The following ABCC5 variants were observed in gnomAD, a reference collection of about 807,000 sequenced individuals.
ABCC5 encodes the protein ATP binding cassette subfamily C member 5.
Under a neutral mutation model 160.9 loss-of-function variants are expected in ABCC5, and 61 were observed. The observed-to-expected ratio is 0.38, with a 90% CI of 0.31 to 0.47. The LOEUF is 0.47. ABCC5 is among the 20% of genes least tolerant of loss of function. ABCC5 has a pLI of 0.99. For synonymous variants in ABCC5, 666 were observed against 700.6 expected (o/e 0.95, Z 0.78); for missense variants, 1,308 against 1,813.3 (o/e 0.72, Z 5.06).
At chr3:183,972,148 C>A (rs941313452) in intron 10 of ABCC5, 1 of 763,332 alleles carries the variant, frequency 1.3e-6, no homozygotes, top group Non-Finnish European at 2.2e-6. Flanking sequence ...ACCCAATATT[C>A]CACATGACAA....
In ABCC5 at chr3:183,949,755, G is replaced by T. The variant is rs1035697689; in HGVS notation, c.3225C>A (p.His1075Gln). 6.2e-7 allele frequency: 1 copy of T among 1,614,030 alleles called. No homozygotes were observed. The highest frequency in any genetic ancestry group is 8.5e-7 in the Non-Finnish European group (1 of 1,179,946). Reference sequence around the variant, plus strand: ...CTCTAGCCCCCATCAGGACAAACCTGTGCAGAAACTCCTGCCCTTTATTGT... The same window carrying T: ...CTCTAGCCCCCATCAGGACAAACCTTTGCAGAAACTCCTGCCCTTTATTGT... ...HAYNKGQEFL[H>Q]RYQELLDDNQ... is the part of the protein sequence containing the mutation. Residue 1075 changes from histidine to glutamine, a missense_variant and splice_region_variant, in exon 22 of 30, where the codon CAC (histidine) becomes CAA (glutamine). His to Gln is a conservative substitution (Grantham distance 24, BLOSUM62 0). This residue lies in a region of ABCC5 where 1,142 missense variants were observed against 1,527.1 expected (regional missense o/e 0.75). Transcript: ENST00000334444. The surrounding 1 kb of genome is among the most constrained non-coding windows in gnomAD (Gnocchi z 4.2).
Position 183,981,838 on chromosome 3 carries a change from T to C in ABCC5, c.1036A>G (p.Lys346Glu). ...CGTTCATCCGTGGCGGCCACGCATT[T>C]TCTCCTGAAATATGCTGTGAGCCGT... Reference protein sequence around the residue: ...ASRLTAYFRRKCVAATDERVQ... With the variant: ...ASRLTAYFRRECVAATDERVQ... The change falls in exon 8 of 30, where the codon AAA becomes GAA. Residue 346 changes from lysine to glutamate, a missense_variant. Lys to Glu is a moderately conservative substitution (Grantham distance 56). Coordinates refer to ENST00000334444, the MANE Select transcript of ABCC5 (RefSeq NM_005688.4). 1 of 1,611,090 alleles carries C rather than the reference T, an allele frequency of 6.2e-7. No individual in the cohort carries two copies. The highest frequency in any genetic ancestry group is 1.7e-5 in the Admixed American group (1 of 59,188).
chr3:183,945,084 G>A (rs1022143855), intron 24 of ABCC5, among the ~76,000 whole-genome samples: 4 of 152,074 alleles, frequency 2.6e-5, no homozygotes, highest in African/African-American at 7.2e-5. Flanking sequence ...TTCACCTTTC[G>A]CTATGATTGT....
At position 183,951,446 on chromosome 3, in the gene ABCC5, T is replaced by G. The variant is rs758235165; in HGVS notation, c.2939A>C (p.Asp980Ala). Residue 980 changes from aspartate to alanine, a missense_variant, in exon 20 of 30, where the codon GAT (aspartate) becomes GCT (alanine). Physicochemically the swap from Asp to Ala is moderately radical, Grantham distance 126 (BLOSUM62 -2). This residue lies in a region of ABCC5 where 1,142 missense variants were observed against 1,527.1 expected (regional missense o/e 0.75). Coordinates refer to ENST00000334444, the MANE Select transcript of ABCC5 (RefSeq NM_005688.4). The surrounding 1 kb of genome is among the most constrained non-coding windows in gnomAD (Gnocchi z 4.7). Reference protein sequence around the residue: ...RILNRFSKDMDEVDVRLPFQA... With the variant: ...RILNRFSKDMAEVDVRLPFQA... Reference sequence around the variant, plus strand: ...AAAGGCTCAGTGAGAAATACCTTCATCCATGTCTTTGGAAAACCTGTTGAG... The same window carrying G: ...AAAGGCTCAGTGAGAAATACCTTCAGCCATGTCTTTGGAAAACCTGTTGAG... The G allele has an allele frequency of 6.2e-7, 1 of 1,614,168 alleles. No homozygotes were observed. Among genetic ancestry groups the G allele is most frequent in the Non-Finnish European group, 8.5e-7 (1 of 1,180,018 alleles).
chr3:183,985,780 T>C (rs1470313303), intron 5 of ABCC5: 12 of 256,230 alleles, frequency 4.7e-5, no homozygotes, highest in Non-Finnish European at 8.6e-5. Flanking sequence ...CCTGCACATA[T>C]AGCGGCAGTC....
In ABCC5 at chr3:183,967,518, C is replaced by A. The variant is rs1560016748; in HGVS notation, c.1833+177G>T. ...GGCGCCCACCAGGCCTCCTTCCAGGCAGAAGGCTGTGAAGGGGGAGAACTG... is the reference window on the plus strand; with the variant it reads ...GGCGCCCACCAGGCCTCCTTCCAGGAAGAAGGCTGTGAAGGGGGAGAACTG... On this transcript the variant is annotated intron_variant, in intron 12 of 29. Coordinates refer to ENST00000334444, the MANE Select transcript of ABCC5 (RefSeq NM_005688.4). The A allele has an allele frequency of 2.4e-5, 15 of 616,558 alleles. No individual in the cohort carries two copies. The South Asian group carries it at 2.7e-4, about 11-fold the overall frequency. The allele number at this position is 616,558 out of a possible 1,614,324, so 38.2% of individuals were successfully genotyped here.
At chr3:183,976,190 C>G (rs541922063) in intron 10 of ABCC5, among the ~76,000 whole-genome samples, 11 of 152,134 alleles carry the variant, frequency 7.2e-5, no homozygotes, top group African/African-American at 2.6e-4. Flanking sequence ...CCTTCCTTCT[C>G]TCTCTTCCCT....
intron 24 of ABCC5, among the ~76,000 whole-genome samples, chr3:183,943,655 T>TG (rs1244117531): frequency 2.0e-5 from 3 of 152,120 alleles, no homozygotes; most frequent in Non-Finnish European, 4.4e-5. Flanking sequence ...CCAAAGACTG[T>TG]AGCACTCTGG....
intron 27 of ABCC5, 116 bp from the exon 28 acceptor site, chr3:183,927,559 C>T: frequency 6.9e-7 from 1 of 1,456,976 alleles, no homozygotes; most frequent in Non-Finnish European, 9.1e-7. Flanking sequence ...AGCCAAGAAC[C>T]TGTCTCATCT....
rs201172198 is a variant in ABCC5 at position 183,965,464 on chromosome 3, G to A, written c.1871C>T (p.Thr624Ile). ...LLEGSIAISG[T>I]FAYVAQQAWI... ...GGCCTGCTGGGCCACATAAGCGAAGGTTCCACTGATTGCAATGCTGCCCTC... is the reference window on the plus strand; with the variant it reads ...GGCCTGCTGGGCCACATAAGCGAAGATTCCACTGATTGCAATGCTGCCCTC... Residue 624 changes from threonine to isoleucine, a missense_variant, in exon 13 of 30, where the codon ACC becomes ATC. Thr to Ile is a moderately conservative substitution (Grantham distance 89, BLOSUM62 -1). Coordinates refer to ENST00000334444, the MANE Select transcript of ABCC5 (RefSeq NM_005688.4). The A allele has an allele frequency of 6.2e-7, 1 of 1,613,766 alleles. No individual in the cohort carries two copies. Among genetic ancestry groups the A allele is most frequent in the Non-Finnish European group, 8.5e-7 (1 of 1,180,024 alleles).
At chr3:183,940,016 C>T (rs1714140392) in intron 25 of ABCC5, among the ~76,000 whole-genome samples, 1 of 152,096 alleles carries the variant, frequency 6.6e-6, no homozygotes, top group African/African-American at 2.4e-5. Flanking sequence ...CCTGGGCATA[C>T]CTCTGTCTAA....
chr3:183,958,715 C>T (rs994431029), intron 17 of ABCC5, among the ~76,000 whole-genome samples: 9 of 151,982 alleles, frequency 5.9e-5, no homozygotes, highest in African/African-American at 7.2e-5. Flanking sequence ...TGGCTCACCT[C>T]GGCCTCCCAA....
At chr3:184,001,247 T>C in intron 2 of ABCC5, 1 of 536,004 alleles carries the variant, frequency 1.9e-6, no homozygotes, top group Non-Finnish European at 3.4e-6. Context: ...AGTGAGACTC[T>C]GACTCTAAAA....
chr3:184,014,575 A>G (rs1418968443), intron 1 of ABCC5, 128 bp from the exon 2 acceptor site: 3 of 438,122 alleles, frequency 6.8e-6, no homozygotes, highest in Non-Finnish European at 7.2e-6. Flanking sequence ...TGTTATAGCT[A>G]CAAAAATTAA....
In ABCC5 at chr3:183,987,733, C is replaced by A. The variant is rs912403943; in HGVS notation, c.591+37G>T. ...AGTGTTAGAGCTGGCCGTGGCCGGGCCCCTGGAGACTGTCGGAAAGGATGG... is the reference window on the plus strand; with the variant it reads ...AGTGTTAGAGCTGGCCGTGGCCGGGACCCTGGAGACTGTCGGAAAGGATGG... On this transcript the variant is annotated intron_variant, in intron 5 of 29. Transcript: ENST00000334444. The surrounding 1 kb of genome is among the most constrained non-coding windows in gnomAD (Gnocchi z 4.2). The A allele has an allele frequency of 1.2e-6, 2 of 1,613,852 alleles. No individual in the cohort carries two copies. Among genetic ancestry groups the A allele is most frequent in the East Asian group, 4.5e-5 (2 of 44,850 alleles).
intron 24 of ABCC5, among the ~76,000 whole-genome samples, chr3:183,944,152 G>A (rs1035468616): frequency 2.0e-5 from 3 of 152,178 alleles, no homozygotes; most frequent in Admixed American, 6.5e-5. Flanking sequence ...CAGCATTTTG[G>A]GAGGTGGAGG....
rs911586854 is a variant in ABCC5 at position 183,982,027 on chromosome 3, T to A, written c.1000-153A>T. ...GTAATCGTACTGTCTTTAATAAAAG[T>A]GACCTATTGAATTGTAATAAAACAT... On this transcript the variant is annotated intron_variant, in intron 7 of 29. Transcript: ENST00000334444. This position sits in a 1 kb window ranked among gnomAD's most constrained non-coding sequence, Gnocchi z 5.2. Among the ~76,000 whole-genome samples the A allele has an allele frequency of 1.3e-5, 2 of 152,206 alleles. No homozygotes were observed. The highest frequency in any genetic ancestry group is 1.3e-4 in the Admixed American group (2 of 15,286).
chr3:183,949,755 G>A lies in ABCC5; in HGVS notation c.3225C>T (p.His1075=). Residue 1075 remains histidine, a splice_region_variant and synonymous_variant, in exon 22 of 30, where the codon CAC becomes CAT. Transcript: ENST00000334444. The surrounding 1 kb of genome is among the most constrained non-coding windows in gnomAD (Gnocchi z 4.2). The stretch of plus-strand genomic sequence containing the variant: ...CTCTAGCCCCCATCAGGACAAACCT[G>A]TGCAGAAACTCCTGCCCTTTATTGT... ...HAYNKGQEFL[H]RYQELLDDNQ... 6.2e-7 allele frequency: 1 copy of A among 1,614,030 alleles called. No homozygotes were observed. The highest frequency in any genetic ancestry group is 8.5e-7 in the Non-Finnish European group (1 of 1,179,946).
At position 183,982,842 on chromosome 3, in the gene ABCC5, C is replaced by T. The variant is rs1193909526; in HGVS notation, c.757G>A (p.Ala253Thr). Reference protein sequence around the residue: ...NYRTGVRLRGAILTMAFKKIL... With the variant: ...NYRTGVRLRGTILTMAFKKIL... ...TTCTTAAATGCCATGGTTAGGATGG[C>T]CCCCCGCAAGCGGACACCGGTTCGG... Residue 253 changes from alanine (A) to threonine (T), a missense_variant, in exon 6 of 30, where the codon GCC (alanine) becomes ACC (threonine). Around this residue, in one of 3 missense-constraint regions of ABCC5, gnomAD observed 1,142 missense variants for 1,527.1 expected, o/e 0.75. Coordinates refer to ENST00000334444, the MANE Select transcript of ABCC5 (RefSeq NM_005688.4). This position sits in a 1 kb window ranked among gnomAD's most constrained non-coding sequence, Gnocchi z 5.2. 9.3e-6 allele frequency: 15 copies of T among 1,614,006 alleles called. No homozygotes were observed. Among genetic ancestry groups the T allele is most frequent in the Non-Finnish European group, 1.1e-5 (13 of 1,180,032 alleles).
Sources: allele counts gnomAD v4.1 joint callset (sites outside exome capture counted in the v4.1 genomes callset), GRCh38; gene constraint gnomAD v4.1.1; regional missense constraint gnomAD v4.1.1; non-coding constraint Gnocchi (gnomAD v3.1); transcripts MANE v1.5; gene names NCBI Gene and HGNC (gene_info 2026-07-23, HGNC 2026-07-21).